ARPP21: variants seen among roughly 807,000 people sequenced by gnomAD.
The protein encoded by ARPP21 is cAMP regulated phosphoprotein 21.
A neutral mutation model predicts 113.2 loss-of-function variants in ARPP21; 69 were observed. The ratio of observed to expected loss-of-function variants is 0.61; its 90% CI spans 0.50 to 0.74. ARPP21 has a LOEUF of 0.74. Among genes scored for constraint, ARPP21 ranks in the 30% least tolerant of loss-of-function variants. The pLI is 0.00. For missense variants in ARPP21, 1,070 were observed against 1,037.4 expected (o/e 1.03, Z -0.43); for synonymous variants, 368 against 375.5 (o/e 0.98, Z 0.23).
chr3:35,678,050 G>A (rs1174643606), intron 1 of ARPP21, among the ~76,000 whole-genome samples: 1 of 151,882 alleles, frequency 6.6e-6, no homozygotes, highest in Non-Finnish European at 1.5e-5. Context: ...ATTTCAAAAC[G>A]TGTCCTGGTA....
intron 19 of ARPP21, among the ~76,000 whole-genome samples, chr3:35,749,431 C>CAAAAAAAAAA (rs61007987): frequency 2.6e-4 from 26 of 100,726 alleles, no homozygotes; most frequent in African/African-American, 4.6e-4. Context: ...TTCCTAAAAG[C>CAAAAAAAAAA]AAAAAAAAAA....
intron 8 of ARPP21, 101 bp downstream of exon 8, chr3:35,690,241 T>A: frequency 1.5e-6 from 1 of 682,286 alleles, no homozygotes; most frequent in South Asian, 1.7e-5. Flanking sequence ...GACAAAACAT[T>A]GTTTAATATG....
At chr3:35,783,188 T>C (rs2151768281) in intron 19 of ARPP21, among the ~76,000 whole-genome samples, 1 of 152,312 alleles carries the variant, frequency 6.6e-6, no homozygotes, top group African/African-American at 2.4e-5. Context: ...TCCATTTTGA[T>C]AGTCTTCTCA....
At chr3:35,703,661 A>G (rs2087450302) in intron 9 of ARPP21, among the ~76,000 whole-genome samples, 1 of 151,854 alleles carries the variant, frequency 6.6e-6, no homozygotes, top group Non-Finnish European at 1.5e-5. Context: ...AAAGTTAGGC[A>G]TGAATGATGC....
At chr3:35,697,558 T>A (rs1020029168) in intron 9 of ARPP21, among the ~76,000 whole-genome samples, 16 of 151,552 alleles carry the variant, frequency 1.1e-4, no homozygotes, top group African/African-American at 3.9e-4. Context: ...TGGAAACCAA[T>A]TGATTTTATT....
rs1697564074 is a variant in ARPP21, at chr3:35,640,079, G to GC, written c.-531dup. On this transcript the variant is annotated 5_prime_UTR_variant, in exon 1 of 21. Coordinates refer to ENST00000684406, the MANE Select transcript of ARPP21 (RefSeq NM_001385562.1). ...GTGGCACCTTCTGAGCGCGTCCGGA[G>GC]CAGAGACCAGCAGCAGCAGGGGCAG... 1 of 152,374 alleles carries GC rather than the reference G, an allele frequency of 6.6e-6. No individual in the cohort carries two copies. The highest frequency in any genetic ancestry group is 2.4e-5 in the African/African-American group (1 of 41,448). 9.4% of individuals were successfully genotyped at this position (152,374 alleles called of 1,614,324 possible).
At chr3:35,696,301 G>A (rs1473270940) in intron 9 of ARPP21, among the ~76,000 whole-genome samples, 1 of 151,596 alleles carries the variant, frequency 6.6e-6, no homozygotes, top group Non-Finnish European at 1.5e-5. Context: ...GTTCAAGGTG[G>A]TACTGTCACC....
intron 1 of ARPP21, among the ~76,000 whole-genome samples, chr3:35,668,027 A>AGAAGG (rs2075309284): frequency 6.0e-5 from 8 of 132,470 alleles, no homozygotes; most frequent in South Asian, 4.9e-4. Flanking sequence ...GAAGAAGAAG[A>AGAAGG]AGAAGGAGAA....
intron 1 of ARPP21, among the ~76,000 whole-genome samples, chr3:35,654,111 C>G (rs866815882): frequency 2.3e-4 from 35 of 152,052 alleles, no homozygotes; most frequent in Middle Eastern, 3.4e-3. Context: ...TAAGAACAAA[C>G]AGATGCCTAG....
At chr3:35,727,879 T>C (rs1171101557) in intron 14 of ARPP21, among the ~76,000 whole-genome samples, 1 of 152,158 alleles carries the variant, frequency 6.6e-6, no homozygotes, top group Non-Finnish European at 1.5e-5. Context: ...ATGGATATAT[T>C]GGGATATGTT....
At chr3:35,711,247 T>G (rs1188554083) in intron 11 of ARPP21, among the ~76,000 whole-genome samples, 2 of 152,192 alleles carry the variant, frequency 1.3e-5, no homozygotes, top group Non-Finnish European at 2.9e-5. Flanking sequence ...GTACCCAGAC[T>G]ATACTCACAG....
intron 1 of ARPP21, among the ~76,000 whole-genome samples, chr3:35,672,215 C>T (rs1359540058): frequency 6.6e-6 from 1 of 152,034 alleles, no homozygotes; most frequent in Non-Finnish European, 1.5e-5. Flanking sequence ...CTAGCAAGCA[C>T]CATCTCTTTC....
chr3:35,717,360 T>C lies in ARPP21; in HGVS notation c.995+3T>C. 6.3e-7 allele frequency: 1 copy of C among 1,586,026 alleles called. No individual in the cohort carries two copies. Among genetic ancestry groups the C allele is most frequent in the Non-Finnish European group, 8.7e-7 (1 of 1,154,886 alleles). On this transcript the variant is annotated splice_donor_region_variant and intron_variant, in intron 13 of 20. Transcript: ENST00000684406. Reference sequence around the variant, plus strand: ...TATAAGAAAAGACAGCTCTTTCGGTTGGTATGGTTTACTTTCTTAAACTGT... The same window carrying C: ...TATAAGAAAAGACAGCTCTTTCGGTCGGTATGGTTTACTTTCTTAAACTGT...
intron 10 of ARPP21, 40 bp from the exon 11 acceptor site, chr3:35,708,929 G>C (rs372652980): frequency 7.0e-7 from 1 of 1,419,130 alleles, no homozygotes; most frequent in Admixed American, 1.7e-5. Flanking sequence ...TTCTAACAAC[G>C]CAACTTGGAT....
intron 5 of ARPP21, chr3:35,685,959 G>C (rs1300057641): frequency 3.4e-6 from 1 of 290,698 alleles, no homozygotes; most frequent in Non-Finnish European, 5.1e-6. Context: ...TTTTTCCTGA[G>C]TATAGTATTT....
intron 13 of ARPP21, among the ~76,000 whole-genome samples, chr3:35,717,687 G>C (rs1444117546): frequency 2.0e-5 from 3 of 151,992 alleles, no homozygotes; most frequent in Non-Finnish European, 4.4e-5. Context: ...GATTGCAATT[G>C]TACATACATT....
At chr3:35,765,206 T>C (rs1446459938) in intron 19 of ARPP21, among the ~76,000 whole-genome samples, 1 of 152,144 alleles carries the variant, frequency 6.6e-6, no homozygotes, top group African/African-American at 2.4e-5. Context: ...TTAAATATCC[T>C]GAGCTTACCC....
At chr3:35,648,763 C>T (rs1701245450) in intron 1 of ARPP21, among the ~76,000 whole-genome samples, 1 of 152,142 alleles carries the variant, frequency 6.6e-6, no homozygotes, top group Admixed American at 6.6e-5. Context: ...TTATACAAAG[C>T]AGTAAATCCA....
chr3:35,656,474 T>TCAG (rs1357184978), intron 1 of ARPP21, among the ~76,000 whole-genome samples: 5 of 152,084 alleles, frequency 3.3e-5, no homozygotes, highest in African/African-American at 7.2e-5. Context: ...GGAATATTGC[T>TCAG]CAGCAGTAAA....
Sources: gnomAD v4.1 joint callset for allele counts (sites outside exome capture counted in the v4.1 genomes callset) on GRCh38, gnomAD v4.1.1 for gene constraint, MANE v1.5 for transcripts, NCBI Gene and HGNC (gene_info 2026-07-23, HGNC 2026-07-21) for gene names.